Variants in RABGAP1L observed in about 807,000 individuals in gnomAD.
The protein encoded by RABGAP1L is rab GTPase-activating protein 1-like.
RABGAP1L carries 63 observed loss-of-function variants against 137.7 expected under a neutral mutation model. The ratio of observed to expected loss-of-function variants is 0.46; its 90% CI spans 0.37 to 0.56. The LOEUF (loss-of-function observed/expected upper bound fraction) is 0.56. Ranked by LOEUF, RABGAP1L falls within the 20% of genes least tolerant of loss-of-function variation. The probability of loss-of-function intolerance (pLI) is 0.00; values close to 1 mark genes in which losing one functional copy is unlikely to be tolerated. For missense variants in RABGAP1L, 1,095 were observed against 1,244.0 expected (o/e 0.88, Z 1.80); for synonymous variants, 431 against 433.7 (o/e 0.99, Z 0.08).
intron 1 of RABGAP1L, among the ~76,000 whole-genome samples, chr1:174,184,800 G>C (rs1414219572): frequency 6.6e-6 from 1 of 152,202 alleles, no homozygotes; most frequent in Non-Finnish European, 1.5e-5. Context: ...AAATTTTATG[G>C]TGTTAATCCC....
chr1:174,797,736 T>G (rs970948811), intron 18 of RABGAP1L, among the ~76,000 whole-genome samples: 1 of 149,516 alleles, frequency 6.7e-6, no homozygotes, highest in African/African-American at 2.5e-5. Context: ...TGGGTGTGGG[T>G]GTGTGTGTGT....
chr1:174,832,166 A>G (rs1692173452), intron 19 of RABGAP1L, among the ~76,000 whole-genome samples: 1 of 146,366 alleles, frequency 6.8e-6, no homozygotes, highest in African/African-American at 2.5e-5. Flanking sequence ...GGTGTCAGGC[A>G]CCTGTAATCC....
intron 1 of RABGAP1L, among the ~76,000 whole-genome samples, chr1:174,171,331 G>A (rs995666716): frequency 1.3e-5 from 2 of 151,814 alleles, no homozygotes; most frequent in Non-Finnish European, 2.9e-5. Context: ...TATATTTAAG[G>A]TATACAGCAT....
intron 8 of RABGAP1L, among the ~76,000 whole-genome samples, chr1:174,275,498 T>C (rs542561682): frequency 2.6e-5 from 4 of 152,312 alleles, no homozygotes; most frequent in African/African-American, 9.6e-5. Context: ...TACATTCTTA[T>C]GTGTATATGA....
intron 19 of RABGAP1L, among the ~76,000 whole-genome samples, chr1:174,853,735 CA>C (rs1331566546): frequency 1.3e-5 from 2 of 151,204 alleles, no homozygotes; most frequent in Non-Finnish European, 2.9e-5. Flanking sequence ...CACTCCATCT[CA>C]AAAAAACAAA....
chr1:174,955,274 A>G (rs1249709279), intron 19 of RABGAP1L, among the ~76,000 whole-genome samples: 1 of 152,214 alleles, frequency 6.6e-6, no homozygotes, highest in Non-Finnish European at 1.5e-5. Flanking sequence ...CCAGATGAAT[A>G]TTCTCATAAT....
chr1:174,227,954 A>G (rs921317887), intron 3 of RABGAP1L, among the ~76,000 whole-genome samples: 1 of 150,750 alleles, frequency 6.6e-6, no homozygotes, highest in Non-Finnish European at 1.5e-5. Flanking sequence ...TCAGTTTTCT[A>G]TCATTTTCCT....
At chr1:174,825,005 G>A (rs1264230837) in intron 19 of RABGAP1L, among the ~76,000 whole-genome samples, 1 of 152,162 alleles carries the variant, frequency 6.6e-6, no homozygotes, top group Admixed American at 6.5e-5. Flanking sequence ...TGATCAAATG[G>A]GCATTCTTTT....
intron 13 of RABGAP1L, among the ~76,000 whole-genome samples, chr1:174,411,556 A>C (rs1298863554): frequency 6.6e-5 from 10 of 151,918 alleles, no homozygotes; most frequent in Admixed American, 6.6e-4. Flanking sequence ...AATTTTTGAT[A>C]CACTGTTGAG....
intron 14 of RABGAP1L, among the ~76,000 whole-genome samples, chr1:174,648,027 T>A (rs1675135674): frequency 6.6e-6 from 1 of 152,138 alleles, no homozygotes; most frequent in African/African-American, 2.4e-5. Context: ...ATAGTTTGTA[T>A]TTCTGTGGAA....
intron 13 of RABGAP1L, among the ~76,000 whole-genome samples, chr1:174,400,923 A>G (rs1179680452): frequency 6.6e-6 from 1 of 152,142 alleles, no homozygotes; most frequent in Non-Finnish European, 1.5e-5. Flanking sequence ...ATCTATAGAA[A>G]ATAAAGTTCT....
At chr1:174,780,668 A>G (rs1686916202) in intron 18 of RABGAP1L, among the ~76,000 whole-genome samples, 2 of 151,092 alleles carry the variant, frequency 1.3e-5, no homozygotes, top group Non-Finnish European at 3.0e-5. Context: ...TGCTGCACCC[A>G]TTAACTCGTC....
At chr1:174,206,918 C>CT (rs56870646) in intron 1 of RABGAP1L, among the ~76,000 whole-genome samples, 56,207 of 151,916 alleles carry the variant, frequency 0.37, 12,677 homozygotes, top group African/African-American at 0.63. Flanking sequence ...AGCTATTTCA[C>CT]TGGTAGAATT....
intron 18 of RABGAP1L, chr1:174,757,244 T>C (rs957899882): frequency 4.0e-5 from 8 of 202,070 alleles, no homozygotes; most frequent in Non-Finnish European, 7.1e-5. Flanking sequence ...ACCAATTTTA[T>C]ATTTAGTTTT....
At chr1:174,871,657 T>G (rs1652214232) in intron 19 of RABGAP1L, among the ~76,000 whole-genome samples, 1 of 152,202 alleles carries the variant, frequency 6.6e-6, no homozygotes, top group African/African-American at 2.4e-5. Context: ...TGCTGTTCCC[T>G]AAACCTACCC....
chr1:174,610,072 T>C (rs1195590561), intron 13 of RABGAP1L, among the ~76,000 whole-genome samples: 1 of 151,272 alleles, frequency 6.6e-6, no homozygotes, highest in African/African-American at 2.4e-5. Flanking sequence ...ATTATTATTA[T>C]ATTTTAAGTT....
chr1:174,357,148 A>C (rs1314608749), intron 11 of RABGAP1L, among the ~76,000 whole-genome samples: 1 of 152,184 alleles, frequency 6.6e-6, no homozygotes, highest in African/African-American at 2.4e-5. Flanking sequence ...AGTTAAGCGT[A>C]GTCTCTCAGA....
chr1:174,219,921 C>T (rs1669623024), intron 2 of RABGAP1L, among the ~76,000 whole-genome samples: 1 of 152,068 alleles, frequency 6.6e-6, no homozygotes, highest in South Asian at 2.1e-4. Context: ...CTATATATTA[C>T]TTATGACTTT....
rs77759011 is a variant in RABGAP1L, at chr1:174,162,335, C to A, written c.-34+2678C>A. ...GCCATTGTATATTTATTTGAACTCT[C>A]AGATGATACAGCATTGAAGCAGAAA... On this transcript the variant is annotated intron_variant, in intron 1 of 25. Coordinates refer to ENST00000681986, the MANE Select transcript of RABGAP1L (RefSeq NM_001366446.1). 1.1e-4 allele frequency among the ~76,000 whole-genome samples: 17 copies of A among 152,270 alleles called. No homozygotes were observed. In the East Asian group the frequency reaches 3.3e-3, roughly 29 times the overall value.
Sources: gnomAD v4.1 joint callset for allele counts (sites outside exome capture counted in the v4.1 genomes callset) on GRCh38, gnomAD v4.1.1 for gene constraint, MANE v1.5 for transcripts, NCBI Gene and HGNC (gene_info 2026-07-23, HGNC 2026-07-21) for gene names.